CHODL: variants seen among roughly 807,000 people sequenced by gnomAD.
The protein encoded by CHODL is chondrolectin.
CHODL carries 29 observed loss-of-function variants against 34.5 expected under a neutral mutation model. That is an observed-to-expected ratio of 0.84 (90% CI 0.63 to 1.15). The LOEUF (loss-of-function observed/expected upper bound fraction) is 1.15, where lower values mean the gene tolerates loss of function less well. Ranked by LOEUF, CHODL falls within the 50% of genes most tolerant of loss-of-function variation. The pLI, the probability that CHODL is intolerant of heterozygous loss-of-function variation, is 0.00. For synonymous variants in CHODL, 125 were observed against 116.1 expected (o/e 1.08, Z -0.49); for missense variants, 332 against 332.5 (o/e 1.00, Z 0.01).
intron 2 of CHODL, among the ~76,000 whole-genome samples, chr21:18,089,641 G>A (rs1476014459): frequency 2.0e-5 from 3 of 152,074 alleles, no homozygotes; most frequent in Non-Finnish European, 2.9e-5. Context: ...CAAGGATATG[G>A]AATAATTTTT....
In CHODL at chr21:18,254,845, A is replaced by G. The variant is rs116180334; in HGVS notation, c.80-1664A>G. ...GGAAAATTAGCACTGCTTAACATGT[A>G]GAGGTATGCGAAATTTAATTTTGAG... On this transcript the variant is annotated intron_variant, in intron 1 of 5. Transcript: ENST00000299295. Among the ~76,000 whole-genome samples the G allele has an allele frequency of 7.4e-3, 1,134 of 152,218 alleles. 21 individuals carry two copies. Among genetic ancestry groups the G allele is most frequent in the African/African-American group, 0.026 (1,065 of 41,540 alleles).
chr21:18,212,878 C>T (rs2073788033), intron 2 of CHODL, among the ~76,000 whole-genome samples: 1 of 152,126 alleles, frequency 6.6e-6, no homozygotes, highest in South Asian at 2.1e-4. Context: ...AAATACCATG[C>T]TTATCTTAGC....
intron 2 of CHODL, among the ~76,000 whole-genome samples, chr21:18,130,099 TC>T (rs1177068416): frequency 1.3e-5 from 2 of 151,708 alleles, no homozygotes; most frequent in East Asian, 1.9e-4. Flanking sequence ...TCTGTTTTTT[TC>T]CCCCCAGTTT....
At position 18,083,743 on chromosome 21, in the gene CHODL, C is replaced by A. The variant is rs1334410043; in HGVS notation, c.-45+55772C>A. Among the ~76,000 whole-genome samples, 4 of 152,148 alleles carry A rather than the reference C, an allele frequency of 2.6e-5. No individual in the cohort carries two copies. The East Asian group carries it at 7.7e-4, about 29-fold the overall frequency. On this transcript the variant is annotated intron_variant, in intron 2 of 6. Coordinates refer to the CHODL transcript ENST00000400127. The stretch of plus-strand genomic sequence containing the variant: ...GGGGCATGTGGCCCTTTGTTTTGAC[C>A]AGTTCCTCCTATTTGAAATGCAAGC...
At chr21:17,983,814 G>A (rs1006712940) in intron 1 of CHODL, among the ~76,000 whole-genome samples, 13 of 151,738 alleles carry the variant, frequency 8.6e-5, no homozygotes, top group Non-Finnish European at 1.5e-4. Flanking sequence ...TTGGACATAG[G>A]CATATGCCCA....
intron 1 of CHODL, among the ~76,000 whole-genome samples, chr21:18,001,472 A>C (rs768419079): frequency 6.6e-6 from 1 of 152,238 alleles, no homozygotes; most frequent in Non-Finnish European, 1.5e-5. Context: ...AATACAGTGT[A>C]ATGGCATGCC....
chr21:18,134,499 A>G (rs115136788), intron 2 of CHODL, among the ~76,000 whole-genome samples: 1,785 of 152,290 alleles, frequency 0.012, 28 homozygotes, highest in African/African-American at 0.041. Context: ...CAATATAGGT[A>G]ATATAGACCT....
intron 2 of CHODL, among the ~76,000 whole-genome samples, chr21:18,069,539 AAT>A (rs71318122): frequency 3.5e-4 from 52 of 147,360 alleles, no homozygotes; most frequent in Admixed American, 4.8e-4. Flanking sequence ...ATATATGTGG[AAT>A]ATATATATAT....
At chr21:18,033,059 G>T (rs1449268711) in intron 2 of CHODL, among the ~76,000 whole-genome samples, 1 of 152,128 alleles carries the variant, frequency 6.6e-6, no homozygotes, top group South Asian at 2.1e-4. Context: ...TGAATGCTAT[G>T]CAAAGAACAA....
At position 18,245,279 on chromosome 21, in the gene CHODL, C is replaced by A. The variant is rs1162686929; in HGVS notation, c.56C>A (p.Ala19Asp). The A allele has an allele frequency of 1.3e-6, 2 of 1,525,052 alleles. No individual in the cohort carries two copies. Among genetic ancestry groups the A allele is most frequent in the East Asian group, 2.5e-5 (1 of 39,472 alleles). The allele number at this position is 1,525,052 out of a possible 1,614,324, so 94.5% of individuals were successfully genotyped here. A position where few individuals can be genotyped will look rare whatever the true frequency, so the allele number is the denominator to read the frequency against. ...GCCGCGCTGCTCTGCGGCCACGGAG[C>A]CTTCTGCCGCCGCGTGGTCAGCGGT... ...LGAALLCGHG[A>D]FCRRVVSGQK... Residue 19 changes from alanine (A) to aspartate (D), a missense_variant, in exon 1 of 6, where the codon GCC becomes GAC. By Grantham distance (126) the Ala-to-Asp change is moderately radical. Coordinates refer to ENST00000299295, the MANE Select transcript of CHODL (RefSeq NM_024944.3).
chr21:18,110,260 G>T (rs1015732184), intron 2 of CHODL, among the ~76,000 whole-genome samples: 84 of 152,208 alleles, frequency 5.5e-4, no homozygotes, highest in African/African-American at 1.9e-3. Context: ...GGAGTCTCTT[G>T]GGTTTGTTCA....
At chr21:18,043,141 A>G (rs761799490) in intron 2 of CHODL, among the ~76,000 whole-genome samples, 1 of 152,014 alleles carries the variant, frequency 6.6e-6, no homozygotes, top group Admixed American at 6.6e-5. Flanking sequence ...TGATTGCTAA[A>G]TGAGTCTATC....
intron 1 of CHODL, among the ~76,000 whole-genome samples, chr21:17,989,515 A>C (rs1346914689): frequency 1.3e-5 from 2 of 152,216 alleles, no homozygotes; most frequent in Admixed American, 6.5e-5. Flanking sequence ...GATTTATATT[A>C]GAGTTCTAAA....
chr21:17,926,667 G>A (rs1250061299), intron 1 of CHODL, among the ~76,000 whole-genome samples: 2 of 152,058 alleles, frequency 1.3e-5, no homozygotes, highest in East Asian at 3.9e-4. Context: ...GACAGAAACC[G>A]CCCCCACGAT....
intron 2 of CHODL, among the ~76,000 whole-genome samples, chr21:18,223,210 A>G (rs62213413): frequency 0.02 from 3,023 of 152,312 alleles, 49 homozygotes; most frequent in Non-Finnish European, 0.028. Flanking sequence ...GGAAGAATTC[A>G]ATCAGTGTAT....
chr21:18,150,092 G>A (rs1021965702), intron 2 of CHODL, among the ~76,000 whole-genome samples: 11 of 152,106 alleles, frequency 7.2e-5, no homozygotes, highest in Admixed American at 7.2e-4. Flanking sequence ...CTTGAAGCAG[G>A]GGCTTCCAGG....
At chr21:18,099,223 T>A (rs1170368236) in intron 2 of CHODL, among the ~76,000 whole-genome samples, 1 of 151,948 alleles carries the variant, frequency 6.6e-6, no homozygotes, top group Non-Finnish European at 1.5e-5. Context: ...CATTTTAAAA[T>A]AACTAAGAGT....
At chr21:18,145,533 T>G (rs963852742) in intron 2 of CHODL, among the ~76,000 whole-genome samples, 6 of 147,176 alleles carry the variant, frequency 4.1e-5, no homozygotes, top group Non-Finnish European at 8.8e-5. Context: ...TAAAAAGTTG[T>G]TTTTTCTGAA....
At chr21:18,088,341 G>T (rs1042318374) in intron 2 of CHODL, among the ~76,000 whole-genome samples, 1 of 152,150 alleles carries the variant, frequency 6.6e-6, no homozygotes, top group Non-Finnish European at 1.5e-5. Context: ...CTCCCTCGTT[G>T]GAGCAGTGCA....
Sources: gnomAD v4.1 joint callset for allele counts (sites outside exome capture counted in the v4.1 genomes callset) on GRCh38, gnomAD v4.1.1 for gene constraint, MANE v1.5 for transcripts, NCBI Gene and HGNC (gene_info 2026-07-23, HGNC 2026-07-21) for gene names.